Variants in KPNA1 observed in about 807,000 individuals in gnomAD.
KPNA1 encodes karyopherin subunit alpha 1.
In KPNA1, 10 loss-of-function variants were observed where a neutral mutation model predicts 70.5. The ratio of observed to expected loss-of-function variants is 0.14; its 90% CI spans 0.09 to 0.24. The LOEUF (loss-of-function observed/expected upper bound fraction) is 0.24. Among genes scored for constraint, KPNA1 ranks in the 10% least tolerant of loss-of-function variants. The probability of loss-of-function intolerance (pLI) is 1.00; values close to 1 mark genes in which losing one functional copy is unlikely to be tolerated. For synonymous variants in KPNA1, 192 were observed against 221.9 expected (o/e 0.87, Z 1.20); for missense variants, 397 against 637.9 (o/e 0.62, Z 4.07).
At chr3:122,439,356 T>TA (rs908655292) in intron 10 of KPNA1, among the ~76,000 whole-genome samples, 15 of 151,450 alleles carry the variant, frequency 9.9e-5, no homozygotes, top group South Asian at 2.1e-4. Context: ...CTCAGCTAAT[T>TA]AAAAAAAAAT....
chr3:122,438,225 A>C (rs564208237), intron 10 of KPNA1, among the ~76,000 whole-genome samples: 1 of 152,172 alleles, frequency 6.6e-6, no homozygotes, highest in Non-Finnish European at 1.5e-5. Context: ...CTCACGTCAC[A>C]TAAGACAAGC....
chr3:122,435,098 C>T (rs1474044338), intron 11 of KPNA1, among the ~76,000 whole-genome samples: 1 of 152,070 alleles, frequency 6.6e-6, no homozygotes, highest in Non-Finnish European at 1.5e-5. Flanking sequence ...ATTCCATGAG[C>T]CGTTTCATCT....
intron 6 of KPNA1, among the ~76,000 whole-genome samples, chr3:122,453,561 A>AGTC (rs2076234972): frequency 6.6e-6 from 1 of 152,054 alleles, no homozygotes; most frequent in Admixed American, 6.6e-5. Context: ...TTTGAGACAA[A>AGTC]GTCTTGCTCT....
At chr3:122,452,733 CGGAGGGAA>C (rs1199408610) in intron 6 of KPNA1, among the ~76,000 whole-genome samples, 2 of 104,292 alleles carry the variant, frequency 1.9e-5, no homozygotes, top group African/African-American at 8.7e-5. Context: ...GAAGGAGAGA[CGGAGGGAA>C]GGAGAGACAG....
intron 2 of KPNA1, among the ~76,000 whole-genome samples, chr3:122,480,382 G>C (rs2076557344): frequency 6.6e-6 from 1 of 152,096 alleles, no homozygotes; most frequent in South Asian, 2.1e-4. Flanking sequence ...TGGGGGCAGA[G>C]AGCATATAAG....
At chr3:122,496,030 T>C (rs1042091922) in intron 2 of KPNA1, among the ~76,000 whole-genome samples, 3 of 152,234 alleles carry the variant, frequency 2.0e-5, no homozygotes, top group African/African-American at 7.2e-5. Flanking sequence ...TTATTCTTTC[T>C]TTTTGTGTAT....
At chr3:122,497,161 A>C (rs975740926) in intron 1 of KPNA1, among the ~76,000 whole-genome samples, 1 of 152,242 alleles carries the variant, frequency 6.6e-6, no homozygotes, top group African/African-American at 2.4e-5. Context: ...TGGACATTTC[A>C]CATGAACAGA....
intron 8 of KPNA1, 43 bp from the exon 9 acceptor site, chr3:122,449,780 A>T (rs1384074444): frequency 1.9e-6 from 3 of 1,547,480 alleles, no homozygotes. Context: ...ATAGACTAAA[A>T]GCCAGAAGTG....
intron 2 of KPNA1, among the ~76,000 whole-genome samples, chr3:122,488,195 A>C (rs2076652083): frequency 6.6e-6 from 1 of 152,212 alleles, no homozygotes. Context: ...TGAAAAGCTG[A>C]CTGCGCTCTT....
chr3:122,465,321 CT>C (rs1449514053), intron 3 of KPNA1, among the ~76,000 whole-genome samples: 1 of 152,220 alleles, frequency 6.6e-6, no homozygotes, highest in African/African-American at 2.4e-5. Flanking sequence ...ACCTACCAAA[CT>C]TCATTGCCTA....
At chr3:122,460,128 C>T in intron 5 of KPNA1, 2 of 985,148 alleles carry the variant, frequency 2.0e-6, no homozygotes, top group East Asian at 1.1e-4. Context: ...AGTCTCAGGG[C>T]CCAAGCCTTT....
At chr3:122,477,907 A>T (rs2076521198) in intron 2 of KPNA1, among the ~76,000 whole-genome samples, 2 of 152,118 alleles carry the variant, frequency 1.3e-5, no homozygotes, top group South Asian at 4.2e-4. Flanking sequence ...CTCATGCCTG[A>T]AATCCCAGCA....
intron 11 of KPNA1, among the ~76,000 whole-genome samples, chr3:122,436,641 C>T (rs552728540): frequency 9.2e-5 from 14 of 152,186 alleles, no homozygotes; most frequent in South Asian, 2.1e-4. Context: ...CAAATATTAA[C>T]GGCAACAGAA....
chr3:122,474,647 T>G (rs914378762), intron 2 of KPNA1, among the ~76,000 whole-genome samples: 1 of 152,092 alleles, frequency 6.6e-6, no homozygotes, highest in African/African-American at 2.4e-5. Flanking sequence ...AAACAGCACA[T>G]TAAAAAGATC....
At position 122,514,913 on chromosome 3, in the gene KPNA1, A is replaced by G. The variant is rs2077002347; in HGVS notation, c.-162T>C. The G allele has an allele frequency of 6.6e-6, 1 of 152,224 alleles. No individual in the cohort carries two copies. The allele number at this position is 152,224 out of a possible 1,614,324, so 9.4% of individuals were successfully genotyped here. A position where few individuals can be genotyped will look rare whatever the true frequency, so the allele number is the denominator to read the frequency against. On this transcript the variant is annotated 5_prime_UTR_variant, in exon 1 of 14. Transcript: ENST00000344337. ...CCGCCGCCTCGCACCGAGCAGCGAG[A>G]CTCAGCTCAGCCGGCGTTCGCAGTG... is the stretch of plus-strand genomic sequence containing the variant.
chr3:122,497,987 T>C (rs2107500157), intron 1 of KPNA1, among the ~76,000 whole-genome samples: 1 of 152,336 alleles, frequency 6.6e-6, no homozygotes, highest in African/African-American at 2.4e-5. Flanking sequence ...CTTAACCTTG[T>C]GTTTCTTTCC....
At position 122,491,525 on chromosome 3, in the gene KPNA1, C is replaced by G. The variant is rs977907909; in HGVS notation, c.129+4912G>C. 5.9e-5 allele frequency among the ~76,000 whole-genome samples: 9 copies of G among 152,274 alleles called. 1 individual carries two copies. The highest frequency in any genetic ancestry group is 6.8e-3 in the Middle Eastern group (2 of 294). The stretch of plus-strand genomic sequence containing the variant: ...CAAACTGACAAACATGCAACTAATA[C>G]TACTAGCCAAAAGAAGCACAAACAC... On this transcript the variant is annotated intron_variant, in intron 2 of 13. Coordinates refer to ENST00000344337, the MANE Select transcript of KPNA1 (RefSeq NM_002264.4).
At chr3:122,495,746 A>G (rs1199114867) in intron 2 of KPNA1, among the ~76,000 whole-genome samples, 1 of 151,572 alleles carries the variant, frequency 6.6e-6, no homozygotes. Context: ...AAAAAAAAAA[A>G]AGTCACTTAA....
At chr3:122,493,713 T>C (rs1196663531) in intron 2 of KPNA1, among the ~76,000 whole-genome samples, 1 of 152,152 alleles carries the variant, frequency 6.6e-6, no homozygotes, top group East Asian at 1.9e-4. Flanking sequence ...AGTCTTATAC[T>C]GAAAGTGCCC....
Sources: allele counts gnomAD v4.1 joint callset (sites outside exome capture counted in the v4.1 genomes callset), GRCh38; gene constraint gnomAD v4.1.1; transcripts MANE v1.5; gene names NCBI Gene and HGNC (gene_info 2026-07-23, HGNC 2026-07-21).